Variants in SP1 observed in about 807,000 individuals in gnomAD.
The protein encoded by SP1 is transcription factor Sp1.
SP1 carries 6 observed loss-of-function variants against 66.3 expected under a neutral mutation model. The ratio of observed to expected loss-of-function variants is 0.09; its 90% confidence interval spans 0.05 to 0.18. The LOEUF (loss-of-function observed/expected upper bound fraction) is 0.18, where lower values mean the gene tolerates loss of function less well. Among genes scored for constraint, SP1 ranks in the 10% least tolerant of loss-of-function variants. The probability of loss-of-function intolerance (pLI) is 1.00; values close to 1 mark genes in which losing one functional copy is unlikely to be tolerated. For synonymous variants in SP1, 417 were observed against 360.8 expected (o/e 1.16, Z -1.77); for missense variants, 848 against 964.5 (o/e 0.88, Z 1.60).
rs1237816678 is a variant in SP1 at position 53,413,180 on chromosome 12, A to G, written c.*1940A>G. ...AAAATGCCTTTCAGGCCCATTACCT[A>G]GAAATCTATCTTAAAACCTGGGTAT... On this transcript the variant is annotated 3_prime_UTR_variant, in exon 6 of 6. Transcript: ENST00000327443. The G allele has an allele frequency of 2.0e-5, 3 of 152,604 alleles. No homozygotes were observed. The highest frequency in any genetic ancestry group is 4.4e-5 in the Non-Finnish European group (3 of 68,042). 9.5% of individuals were successfully genotyped at this position (152,604 alleles called of 1,614,324 possible).
At position 53,413,211 on chromosome 12, in the gene SP1, T is replaced by G. The variant is rs1039830657; in HGVS notation, c.*1971T>G. On this transcript the variant is annotated 3_prime_UTR_variant, in exon 6 of 6. Transcript: ENST00000327443. ...CTATCTTAAAACCTGGGTATGTTCCTAAGGTCATTTCTTTGCTTATGCTAA... is the reference window on the plus strand; with the variant it reads ...CTATCTTAAAACCTGGGTATGTTCCGAAGGTCATTTCTTTGCTTATGCTAA... The G allele has an allele frequency of 6.6e-6, 1 of 152,510 alleles. No homozygotes were observed. The highest frequency in any genetic ancestry group is 6.5e-5 in the Admixed American group (1 of 15,280). The allele number at this position is 152,510 out of a possible 1,614,324, so 9.4% of individuals were successfully genotyped here.
At chr12:53,397,417 T>A (rs1240615776) in intron 3 of SP1, among the ~76,000 whole-genome samples, 1 of 151,944 alleles carries the variant, frequency 6.6e-6, no homozygotes, top group African/African-American at 2.4e-5. Context: ...CAAAAATGTT[T>A]ATGAGGTAAT....
At chr12:53,394,216 G>A (rs1411848598) in intron 3 of SP1, among the ~76,000 whole-genome samples, 4 of 142,208 alleles carry the variant, frequency 2.8e-5, no homozygotes, top group East Asian at 2.1e-4. Context: ...ACTCCGTCTC[G>A]AGAAAAAAAA....
chr12:53,402,997 C>T (rs1470938467), intron 3 of SP1, among the ~76,000 whole-genome samples: 3 of 151,312 alleles, frequency 2.0e-5, no homozygotes, highest in African/African-American at 4.9e-5. Flanking sequence ...CAGAAATTAG[C>T]CAGGCACGGT....
At chr12:53,407,012 G>T (rs1018744878) in intron 4 of SP1, among the ~76,000 whole-genome samples, 1 of 151,902 alleles carries the variant, frequency 6.6e-6, no homozygotes, top group Non-Finnish European at 1.5e-5. Flanking sequence ...TTTTAGTAGA[G>T]ACAGGGTTTC....
chr12:53,397,254 G>A (rs1002107822), intron 3 of SP1, among the ~76,000 whole-genome samples: 5 of 151,680 alleles, frequency 3.3e-5, no homozygotes, highest in African/African-American at 9.7e-5. Context: ...CAAATGATCC[G>A]CTTGCCTCAG....
In SP1 at chr12:53,412,107, T is replaced by C. The variant is rs979933224; in HGVS notation, c.*867T>C. The stretch of plus-strand genomic sequence containing the variant: ...CCCAGGCTGATGCTTGAAGTAACTG[T>C]GGAGGGAGTGTTCAAAATACTACTG... On this transcript the variant is annotated 3_prime_UTR_variant, in exon 6 of 6. Transcript: ENST00000327443. The C allele has an allele frequency of 6.6e-6, 1 of 152,174 alleles. No homozygotes were observed. Among genetic ancestry groups the C allele is most frequent in the African/African-American group, 2.4e-5 (1 of 41,460 alleles). The allele number at this position is 152,174 out of a possible 1,614,324, so 9.4% of individuals were successfully genotyped here.
At chr12:53,381,398 C>G (rs541164973) in intron 1 of SP1, 93 of 298,486 alleles carry the variant, frequency 3.1e-4, no homozygotes, top group African/African-American at 1.9e-3. Context: ...TTCACATTTC[C>G]TATCCCCAAA....
chr12:53,403,362 G>GT lies in SP1; in HGVS notation c.1676-3217dup, dbSNP rs1329136364. ...CCTTGCATTATAGAAATCTTTTTTG[G>GT]TTTTTTGTTTTTTTGAGATGGGCTC... is the stretch of plus-strand genomic sequence containing the variant. On this transcript the variant is annotated intron_variant, in intron 3 of 5. Coordinates refer to ENST00000327443, the MANE Select transcript of SP1 (RefSeq NM_138473.3). Among the ~76,000 whole-genome samples, 4 of 151,866 alleles carry GT rather than the reference G, an allele frequency of 2.6e-5. No individual in the cohort carries two copies. The East Asian group carries it at 7.7e-4, about 29-fold the overall frequency.
At chr12:53,401,835 ATAT>A (rs1290551826) in intron 3 of SP1, among the ~76,000 whole-genome samples, 1 of 152,140 alleles carries the variant, frequency 6.6e-6, no homozygotes, top group South Asian at 2.1e-4. Flanking sequence ...CACCCAGCTA[ATAT>A]TTGTATTTTT....
chr12:53,384,266 GCTTT>G (rs1382251963), intron 3 of SP1, among the ~76,000 whole-genome samples: 1 of 150,212 alleles, frequency 6.7e-6, no homozygotes, highest in East Asian at 2.0e-4. Flanking sequence ...ACCGCGCCCG[GCTTT>G]CTTTTCTTTT....
Position 53,412,561 on chromosome 12 carries a change from G to C in SP1, c.*1321G>C, listed in dbSNP as rs1565820332. 6.6e-6 allele frequency: 1 copy of C among 152,652 alleles called. No individual in the cohort carries two copies. Among genetic ancestry groups the C allele is most frequent in the Non-Finnish European group, 1.5e-5 (1 of 68,058 alleles). The allele number at this position is 152,652 out of a possible 1,614,324, so 9.5% of individuals were successfully genotyped here. A position where few individuals can be genotyped will look rare whatever the true frequency, so the allele number is the denominator to read the frequency against. ...ATTCTGCAGAACTCCTCCAAAGCAT[G>C]TGCTAGTGGCAAGACAGTGGTTCTT... On this transcript the variant is annotated 3_prime_UTR_variant, in exon 6 of 6. Coordinates refer to ENST00000327443, the MANE Select transcript of SP1 (RefSeq NM_138473.3).
In SP1 at chr12:53,383,538, A is replaced by G. The variant is rs749545074; in HGVS notation, c.1591A>G (p.Thr531Ala). 1.2e-6 allele frequency: 2 copies of G among 1,614,100 alleles called. No individual in the cohort carries two copies. The highest frequency in any genetic ancestry group is 1.7e-6 in the Non-Finnish European group (2 of 1,180,034). The change falls in exon 3 of 6, where the codon ACC becomes GCC. Residue 531 changes from threonine (T) to alanine (A), a missense_variant. Thr to Ala is a moderately conservative substitution (Grantham distance 58). Transcript: ENST00000327443. ...AQLSSMPGLQ[T>A]INLSALGTSG... is the part of the protein sequence containing the mutation. ...ACTCTCCTCCATGCCAGGCCTCCAG[A>G]CCATTAACCTCAGTGCATTGGGTAC...
At chr12:53,399,659 G>A (rs1938566250) in intron 3 of SP1, among the ~76,000 whole-genome samples, 2 of 132,974 alleles carry the variant, frequency 1.5e-5, no homozygotes, top group African/African-American at 5.7e-5. Context: ...TTTTTGAGAT[G>A]GAGTTTCACT....
At chr12:53,391,344 GTC>G (rs1938346023) in intron 3 of SP1, among the ~76,000 whole-genome samples, 1 of 106,456 alleles carries the variant, frequency 9.4e-6, no homozygotes, top group Non-Finnish European at 2.0e-5. Context: ...TTTAAGTAAT[GTC>G]TTTTTTTTTT....
intron 3 of SP1, among the ~76,000 whole-genome samples, chr12:53,402,213 G>A (rs983491306): frequency 2.7e-5 from 4 of 149,738 alleles, no homozygotes; most frequent in African/African-American, 9.8e-5. Flanking sequence ...AGTGCCATAG[G>A]CTGCACCTTT....
At chr12:53,392,965 C>T (rs1938389687) in intron 3 of SP1, among the ~76,000 whole-genome samples, 1 of 151,916 alleles carries the variant, frequency 6.6e-6, no homozygotes, top group Non-Finnish European at 1.5e-5. Flanking sequence ...ACCGGGATTA[C>T]AGGTGGCCCG....
At position 53,402,090 on chromosome 12, in the gene SP1, C is replaced by T. The variant is rs1938620095; in HGVS notation, c.1676-4495C>T. ...CAAATGGTTGTGAAAGGACTCATAT[C>T]TAAGTTTCTCCTACTCCAAAACCTG... On this transcript the variant is annotated intron_variant, in intron 3 of 5. Transcript: ENST00000327443. Among the ~76,000 whole-genome samples, 3 of 152,172 alleles carry T rather than the reference C, an allele frequency of 2.0e-5. No homozygotes were observed. The South Asian group carries it at 6.2e-4, about 31-fold the overall frequency.
chr12:53,398,548 G>A (rs573014241), intron 3 of SP1, among the ~76,000 whole-genome samples: 11 of 152,154 alleles, frequency 7.2e-5, no homozygotes, highest in Non-Finnish European at 1.5e-5. Context: ...CTCCCAAAGT[G>A]CTGGGATTAG....
Sources: gnomAD v4.1 joint callset for allele counts (sites outside exome capture counted in the v4.1 genomes callset) on GRCh38, gnomAD v4.1.1 for gene constraint, MANE v1.5 for transcripts, NCBI Gene and HGNC (gene_info 2026-07-23, HGNC 2026-07-21) for gene names.